The following ARHGAP26 variants were observed in gnomAD, a reference collection of about 807,000 sequenced individuals.
The protein encoded by ARHGAP26 is rho GTPase-activating protein 26.
ARHGAP26 carries 38 observed loss-of-function variants against 104.8 expected under a neutral mutation model. The observed-to-expected ratio is 0.36, with a 90% CI of 0.28 to 0.48. The LOEUF is 0.48. Ranked by LOEUF, ARHGAP26 falls within the 20% of genes least tolerant of loss-of-function variation. ARHGAP26 has a pLI of 0.99. For missense variants in ARHGAP26, 704 were observed against 947.9 expected (o/e 0.74, Z 3.38); for synonymous variants, 341 against 340.0 (o/e 1.00, Z -0.03).
intron 17 of ARHGAP26, among the ~76,000 whole-genome samples, chr5:143,119,365 G>C (rs901100920): frequency 6.6e-6 from 1 of 152,174 alleles, no homozygotes; most frequent in African/African-American, 2.4e-5. Flanking sequence ...GGGAGGGGAA[G>C]TATAAGGACA....
chr5:142,833,837 A>T (rs931644534), intron 1 of ARHGAP26, among the ~76,000 whole-genome samples: 2 of 152,136 alleles, frequency 1.3e-5, no homozygotes, highest in African/African-American at 2.4e-5. Flanking sequence ...TAAGTAATTT[A>T]CCTCGTCTTT....
chr5:142,910,335 C>G (rs1360420376), intron 9 of ARHGAP26, among the ~76,000 whole-genome samples: 1 of 152,210 alleles, frequency 6.6e-6, no homozygotes, highest in African/African-American at 2.4e-5. Context: ...CATGACGTCA[C>G]TATTTCCTCA....
chr5:143,153,115 TGGAGA>T (rs1168242662), intron 20 of ARHGAP26, among the ~76,000 whole-genome samples: 1 of 152,136 alleles, frequency 6.6e-6, no homozygotes, highest in African/African-American at 2.4e-5. Context: ...TAGTGCAGCA[TGGAGA>T]CTAGCCTCTC....
intron 17 of ARHGAP26, among the ~76,000 whole-genome samples, chr5:143,108,492 A>G (rs1315451472): frequency 6.6e-6 from 1 of 152,188 alleles, no homozygotes; most frequent in Non-Finnish European, 1.5e-5. Context: ...AAGTACCGTG[A>G]CAGGACATAT....
chr5:143,160,144 C>CT (rs1173781044), intron 20 of ARHGAP26, among the ~76,000 whole-genome samples: 2 of 150,642 alleles, frequency 1.3e-5, no homozygotes, highest in Admixed American at 1.3e-4. Context: ...ACTGCAAGCT[C>CT]TGCCTCCTGG....
chr5:143,209,321 T>G (rs191150296), intron 21 of ARHGAP26, among the ~76,000 whole-genome samples: 1 of 152,298 alleles, frequency 6.6e-6, no homozygotes, highest in East Asian at 1.9e-4. Flanking sequence ...TCCTACTTCT[T>G]CCTACCTCCC....
chr5:143,106,316 C>T (rs1794005760), intron 17 of ARHGAP26, among the ~76,000 whole-genome samples: 1 of 152,050 alleles, frequency 6.6e-6, no homozygotes, highest in Admixed American at 6.5e-5. Flanking sequence ...GAGGAGCAGC[C>T]AGAAGCCACA....
chr5:142,908,093 G>A (rs382344), intron 9 of ARHGAP26, among the ~76,000 whole-genome samples: 63,584 of 151,930 alleles, frequency 0.42, 16,386 homozygotes, highest in East Asian at 0.86. Context: ...TTTATATGCT[G>A]AAAATTATTG....
intron 21 of ARHGAP26, among the ~76,000 whole-genome samples, chr5:143,211,918 A>G (rs1459956489): frequency 2.0e-5 from 3 of 152,092 alleles, no homozygotes; most frequent in Non-Finnish European, 4.4e-5. Context: ...CCTAATATCA[A>G]TGGAATGTTA....
At chr5:143,009,073 C>CT (rs1044274479) in intron 11 of ARHGAP26, among the ~76,000 whole-genome samples, 12 of 151,532 alleles carry the variant, frequency 7.9e-5, no homozygotes, top group Middle Eastern at 3.4e-3. Context: ...GAGCTACTCT[C>CT]CCCCCCTGGT....
At chr5:142,813,372 G>A (rs1764498327) in intron 1 of ARHGAP26, among the ~76,000 whole-genome samples, 1 of 152,178 alleles carries the variant, frequency 6.6e-6, no homozygotes, top group African/African-American at 2.4e-5. Flanking sequence ...GGCCTGATAG[G>A]ACTTTTGTGC....
Position 142,890,718 on chromosome 5 carries a change from G to A in ARHGAP26, c.487-3520G>A, listed in dbSNP as rs779623371. On this transcript the variant is annotated intron_variant, in intron 5 of 22. Transcript: ENST00000645722. Reference sequence around the variant, plus strand: ...CTGTGTTCTGAAGTGCCTGGTGACAGCAACCACCGACATGCACGGGACACT... The same window carrying A: ...CTGTGTTCTGAAGTGCCTGGTGACAACAACCACCGACATGCACGGGACACT... Among the ~76,000 whole-genome samples the A allele has an allele frequency of 3.3e-4, 50 of 152,096 alleles. 1 individual carries two copies. Among genetic ancestry groups the A allele is most frequent in the Admixed American group, 3.9e-4 (6 of 15,286 alleles).
chr5:143,203,280 C>A (rs1350377854), intron 20 of ARHGAP26: 1 of 151,968 alleles, frequency 6.6e-6, no homozygotes, highest in Non-Finnish European at 1.5e-5. Flanking sequence ...AGATACTTCT[C>A]AAAAGAAGAC....
At chr5:142,886,226 C>T (rs554135202) in intron 5 of ARHGAP26, among the ~76,000 whole-genome samples, 36 of 152,192 alleles carry the variant, frequency 2.4e-4, no homozygotes, top group Admixed American at 5.9e-4. Flanking sequence ...GCTTCCAGGC[C>T]GGCCCTTTTT....
At chr5:143,186,971 T>C (rs1805243192) in intron 20 of ARHGAP26, among the ~76,000 whole-genome samples, 1 of 152,238 alleles carries the variant, frequency 6.6e-6, no homozygotes, top group Admixed American at 6.5e-5. Flanking sequence ...CTACTCTTCA[T>C]TTTAAAATAA....
intron 1 of ARHGAP26, among the ~76,000 whole-genome samples, chr5:142,856,220 T>TGGG (rs370724941): frequency 2.6e-5 from 4 of 152,170 alleles, no homozygotes; most frequent in African/African-American, 9.6e-5. Flanking sequence ...GGGCACACAG[T>TGGG]GGGGGCCAGC....
chr5:142,965,493 T>G (rs1771169828), intron 11 of ARHGAP26, among the ~76,000 whole-genome samples: 1 of 152,240 alleles, frequency 6.6e-6, no homozygotes, highest in Non-Finnish European at 1.5e-5. Flanking sequence ...TGTCCGGGCA[T>G]AACAGAAGGC....
intron 11 of ARHGAP26, among the ~76,000 whole-genome samples, chr5:142,956,990 A>T (rs1301739525): frequency 6.6e-6 from 1 of 152,162 alleles, no homozygotes; most frequent in South Asian, 2.1e-4. Flanking sequence ...GGGACATACA[A>T]TTCAAGTTGA....
chr5:142,876,776 CAAAAAAAAAAA>C (rs34843524), intron 3 of ARHGAP26, among the ~76,000 whole-genome samples: 1 of 48,462 alleles, frequency 2.1e-5, no homozygotes, highest in Non-Finnish European at 4.2e-5. Flanking sequence ...GACCCTGTGT[CAAAAAAAAAAA>C]AAAAAAAAAA....
Sources: allele counts gnomAD v4.1 joint callset (sites outside exome capture counted in the v4.1 genomes callset), GRCh38; gene constraint gnomAD v4.1.1; transcripts MANE v1.5; gene names NCBI Gene and HGNC (gene_info 2026-07-23, HGNC 2026-07-21).